APOOL: variants seen among roughly 807,000 people sequenced by gnomAD.
The protein encoded by APOOL is apolipoprotein O like.
A neutral mutation model predicts 23.1 loss-of-function variants in APOOL; 12 were observed. The ratio of observed to expected loss-of-function variants is 0.52; its 90% CI spans 0.33 to 0.84. APOOL has a LOEUF of 0.84. APOOL is among the 40% of genes least tolerant of loss of function. APOOL has a pLI of 0.02. For missense variants in APOOL, 212 were observed against 199.6 expected, an observed-to-expected ratio of 1.06 and a Z score of -0.37; for synonymous variants, 77 against 69.9, an observed-to-expected ratio of 1.10 and a Z score of -0.51.
chrX:85,036,254 G>A (rs68072428), intron 1 of APOOL, among the ~76,000 whole-genome samples: 1 of 111,425 alleles, frequency 9.0e-6, no homozygotes, highest in Non-Finnish European at 1.9e-5. Flanking sequence ...GAATGGGATT[G>A]TATTCTTAAG....
chrX:85,037,821 G>A (rs917333986), intron 1 of APOOL, among the ~76,000 whole-genome samples: 2 of 111,160 alleles, frequency 1.8e-5, no homozygotes, highest in Admixed American at 1.9e-4. Flanking sequence ...ATATACAAAC[G>A]TCAACTCAAG....
chrX:85,069,541 C>T (rs1053342488), intron 6 of APOOL, among the ~76,000 whole-genome samples: 4 of 92,341 alleles, frequency 4.3e-5, no homozygotes, highest in African/African-American at 1.2e-4. Context: ...ACCCAGGTGG[C>T]GGAGATTGCA....
chrX:85,044,256 G>A (rs1028563259), intron 1 of APOOL, among the ~76,000 whole-genome samples: 11 of 106,274 alleles, frequency 1.0e-4, no homozygotes, highest in Admixed American at 2.0e-4. Context: ...TCATATTTAT[G>A]TGTGTGTGTG....
chrX:85,073,536 G>T (rs1025008831), intron 6 of APOOL, among the ~76,000 whole-genome samples: 1 of 110,836 alleles, frequency 9.0e-6, no homozygotes, highest in Non-Finnish European at 1.9e-5. Context: ...AATGGAGAAA[G>T]CACCATCAAA....
intron 1 of APOOL, among the ~76,000 whole-genome samples, chrX:85,026,564 CTT>C (rs1921849782): frequency 8.9e-6 from 1 of 112,743 alleles, no homozygotes; most frequent in Admixed American, 9.4e-5. Flanking sequence ...TAATTTCTAA[CTT>C]TAAGTCATTT....
intron 8 of APOOL, 107 bp from the exon 9 acceptor site, chrX:85,087,483 C>G: frequency 1.6e-6 from 1 of 607,222 alleles, no homozygotes; most frequent in Non-Finnish European, 2.6e-6. Context: ...AATGTTAGGT[C>G]TGTGTCACTA....
rs775691585 is a variant in APOOL, at chrX:85,059,098, A to G, written c.394+3173A>G. ...TGTGTCCATGTGTTCTCATTGTTCA[A>G]TTCCCACCTATGAGTGAGAACATGC... On this transcript the variant is annotated intron_variant, in intron 5 of 8. Transcript: ENST00000373173. Among the ~76,000 whole-genome samples, 76 of 94,674 alleles carry G rather than the reference A, an allele frequency of 8.0e-4. 1 individual carries two copies. Among genetic ancestry groups the G allele is most frequent in the African/African-American group, 2.8e-3 (70 of 24,806 alleles). 82.2% of individuals were successfully genotyped at this position (94,674 alleles called of 115,157 possible).
chrX:85,046,675 G>T (rs546894522), intron 2 of APOOL, 125 bp downstream of exon 2: 1 of 538,874 alleles, frequency 1.9e-6, no homozygotes, highest in Non-Finnish European at 3.0e-6. Context: ...GATATTAAAA[G>T]TTGAGAGAAA....
chrX:85,062,995 G>GC (rs1198441017), intron 5 of APOOL, among the ~76,000 whole-genome samples: 18 of 112,067 alleles, frequency 1.6e-4, no homozygotes, highest in African/African-American at 5.5e-4. Context: ...CTATCCATGA[G>GC]CATGGAAAGT....
chrX:85,005,400 C>T (rs1442139817), intron 1 of APOOL, among the ~76,000 whole-genome samples: 1 of 30,025 alleles, frequency 3.3e-5, no homozygotes, highest in African/African-American at 8.9e-5. Context: ...ATTCACCCCC[C>T]CCCCCCCCCG....
In APOOL at chrX:85,067,145, T is replaced by A; in HGVS notation, c.413T>A (p.Ile138Asn). The part of the protein sequence containing the change: ...SARKGSKFKK[I>N]TYPLGLATLG... ...TTTATAGGTTCCAAGTTTAAGAAAATTACTTATCCTCTGGGACTGGCCACT... is the reference window on the plus strand; with the variant it reads ...TTTATAGGTTCCAAGTTTAAGAAAAATACTTATCCTCTGGGACTGGCCACT... Residue 138 changes from isoleucine (I) to asparagine (N), a missense_variant, in exon 6 of 9, where the codon ATT (isoleucine) becomes AAT (asparagine). Transcript: ENST00000373173. The A allele has an allele frequency of 8.7e-7, 1 of 1,154,736 alleles. No individual in the cohort carries two copies. Among genetic ancestry groups the A allele is most frequent in the South Asian group, 2.0e-5 (1 of 50,902 alleles).
Position 85,064,019 on chromosome X carries a change from A to G in APOOL, c.395-3108A>G, listed in dbSNP as rs1453069428. Among the ~76,000 whole-genome samples the G allele has an allele frequency of 5.5e-5, 6 of 110,081 alleles. No individual in the cohort carries two copies. In the East Asian group the frequency reaches 1.2e-3, roughly 21 times the overall value. ...GCATCTGGTCCTGAGCTTTTTTTGG[A>G]TAGTAGGCTATTCATTACTGCCTCA... On this transcript the variant is annotated intron_variant, in intron 5 of 8. Transcript: ENST00000373173.
At chrX:85,053,826 A>G (rs1004139345) in intron 3 of APOOL, among the ~76,000 whole-genome samples, 4 of 111,728 alleles carry the variant, frequency 3.6e-5, no homozygotes, top group Admixed American at 1.9e-4. Flanking sequence ...ACACTGGTCT[A>G]TGTAGGATGA....
intron 8 of APOOL, among the ~76,000 whole-genome samples, chrX:85,086,770 G>A (rs1359658833): frequency 1.2e-5 from 1 of 85,866 alleles, no homozygotes; most frequent in Non-Finnish European, 2.3e-5. Context: ...CGCGATCTCG[G>A]CTCACTGCAA....
At chrX:85,075,109 T>C (rs540187642) in intron 8 of APOOL, among the ~76,000 whole-genome samples, 2 of 111,006 alleles carry the variant, frequency 1.8e-5, no homozygotes, top group Admixed American at 9.7e-5. Context: ...ATGTGAATTA[T>C]AAAACCCGCT....
rs1369336893 is a variant in APOOL, at chrX:85,088,067, AATACATATACAT to A, written c.*393_*404del. On this transcript the variant is annotated 3_prime_UTR_variant, in exon 9 of 9. Transcript: ENST00000373173. Reference sequence around the variant, plus strand: ...ATACGTATTTATACATATATGTATAAATACATATACATATATGTATAAATACATATACATATT... The same window carrying A: ...ATACGTATTTATACATATATGTATAAATATGTATAAATACATATACATATT... The A allele has an allele frequency of 4.7e-3, 13 of 2,778 alleles. 1 individual carries two copies. The Admixed American group carries it at 0.049, about 10-fold the overall frequency. The allele number at this position is 2,778 out of a possible 1,213,427, so 0.2% of individuals were successfully genotyped here. A position where few individuals can be genotyped will look rare whatever the true frequency, so the allele number is the denominator to read the frequency against.
intron 6 of APOOL, among the ~76,000 whole-genome samples, chrX:85,068,603 ACCAGGCTGG>A (rs1385688328): frequency 9.2e-6 from 1 of 108,235 alleles, no homozygotes; most frequent in Non-Finnish European, 1.9e-5. Flanking sequence ...ATGGGGTTTC[ACCAGGCTGG>A]CCAGGCTGGT....
intron 1 of APOOL, among the ~76,000 whole-genome samples, chrX:85,041,330 G>A (rs1937632652): frequency 8.9e-6 from 1 of 111,829 alleles, no homozygotes; most frequent in Non-Finnish European, 1.9e-5. Context: ...CAGCCTGAGT[G>A]TAGTAGAGGT....
intron 8 of APOOL, among the ~76,000 whole-genome samples, chrX:85,082,259 C>T (rs1329699970): frequency 1.8e-5 from 2 of 111,391 alleles, no homozygotes; most frequent in African/African-American, 3.3e-5. Flanking sequence ...TGCTGGTGAT[C>T]TAGAGATGGG....
Sources: allele counts gnomAD v4.1 joint callset (sites outside exome capture counted in the v4.1 genomes callset), GRCh38; gene constraint gnomAD v4.1.1; transcripts MANE v1.5; gene names NCBI Gene and HGNC (gene_info 2026-07-23, HGNC 2026-07-21).